Variants in WWOX observed in about 807,000 individuals in gnomAD.
WWOX encodes the protein WW domain-containing oxidoreductase.
Under a neutral mutation model 46.2 loss-of-function variants are expected in WWOX, and 69 were observed. That is an observed-to-expected ratio of 1.49 (90% CI 1.23 to 1.82). WWOX has a LOEUF of 1.82. Ranked by LOEUF, WWOX falls within the 40% of genes most tolerant of loss-of-function variation. The pLI is 0.00. For synonymous variants in WWOX, 359 were observed against 202.6 expected, an observed-to-expected ratio of 1.77 and a Z score of -6.56; for missense variants, 919 against 542.6, an observed-to-expected ratio of 1.69 and a Z score of -6.89.
chr16:78,428,954 G>T (rs6564556), intron 7 of WWOX, among the ~76,000 whole-genome samples: 31 of 152,130 alleles, frequency 2.0e-4, no homozygotes, highest in Non-Finnish European at 3.4e-4. Flanking sequence ...TTAGAGCAAT[G>T]CTTGAAACAA....
chr16:78,830,890 A>T (rs980836191), intron 8 of WWOX, among the ~76,000 whole-genome samples: 3 of 152,140 alleles, frequency 2.0e-5, no homozygotes, highest in Admixed American at 1.3e-4. Flanking sequence ...CTCTATAGCC[A>T]TCAGGTCAGG....
At chr16:79,170,817 G>A (rs147965280) in intron 8 of WWOX, among the ~76,000 whole-genome samples, 1 of 152,094 alleles carries the variant, frequency 6.6e-6, no homozygotes, top group Non-Finnish European at 1.5e-5. Context: ...AATTTAAGCA[G>A]GAGATGAGGT....
intron 8 of WWOX, among the ~76,000 whole-genome samples, chr16:78,616,726 A>C (rs1347340445): frequency 6.6e-6 from 1 of 152,026 alleles, no homozygotes; most frequent in Non-Finnish European, 1.5e-5. Flanking sequence ...AGATGGTGCC[A>C]CTGCACTCCT....
intron 8 of WWOX, among the ~76,000 whole-genome samples, chr16:79,019,200 G>A (rs1481686641): frequency 1.4e-5 from 1 of 69,716 alleles, no homozygotes; most frequent in Non-Finnish European, 2.9e-5. Flanking sequence ...AAAAAAAGTT[G>A]GAATGACATC....
chr16:78,908,928 G>A (rs72806727), intron 8 of WWOX, among the ~76,000 whole-genome samples: 18,544 of 152,248 alleles, frequency 0.12, 1,504 homozygotes, highest in East Asian at 0.41. Flanking sequence ...CCGGCAGCAT[G>A]ACTCCTAAAC....
intron 8 of WWOX, among the ~76,000 whole-genome samples, chr16:78,576,796 A>G (rs1182010009): frequency 6.6e-6 from 1 of 152,214 alleles, no homozygotes; most frequent in Non-Finnish European, 1.5e-5. Context: ...GTGCCACTGC[A>G]CTTCAGCCTA....
chr16:78,473,661 G>A (rs1408861626), intron 8 of WWOX, among the ~76,000 whole-genome samples: 2 of 151,762 alleles, frequency 1.3e-5, no homozygotes, highest in Non-Finnish European at 2.9e-5. Context: ...GATATGGAGC[G>A]TTTTTTTTGG....
At chr16:78,485,547 T>C (rs1181938935) in intron 8 of WWOX, among the ~76,000 whole-genome samples, 1 of 152,198 alleles carries the variant, frequency 6.6e-6, no homozygotes. Context: ...TTCCACAACA[T>C]ACTAAATTAA....
At chr16:78,662,644 C>A (rs866430158) in intron 8 of WWOX, among the ~76,000 whole-genome samples, 1 of 152,196 alleles carries the variant, frequency 6.6e-6, no homozygotes, top group Non-Finnish European at 1.5e-5. Flanking sequence ...AAACAACATA[C>A]ATTCATCATT....
intron 8 of WWOX, among the ~76,000 whole-genome samples, chr16:79,020,973 A>G (rs1374499288): frequency 6.6e-6 from 1 of 152,160 alleles, no homozygotes; most frequent in African/African-American, 2.4e-5. Flanking sequence ...AATTGTGGGT[A>G]GCTAAATAGG....
rs1370471798 is a variant in WWOX, at chr16:79,212,307, A to C, written c.*511A>C. ...TGAGCCAGCTTAGCAACTGCTGGGG[A>C]GACAAATCTCAGAACCTTGTCCCAG... On this transcript the variant is annotated 3_prime_UTR_variant, in exon 9 of 9. Transcript: ENST00000566780. The C allele has an allele frequency of 1.1e-6, 1 of 918,684 alleles. No individual in the cohort carries two copies. Among genetic ancestry groups the C allele is most frequent in the African/African-American group, 1.7e-5 (1 of 59,526 alleles). The allele number at this position is 918,684 out of a possible 1,614,324, so 56.9% of individuals were successfully genotyped here.
chr16:78,461,231 C>G (rs929016491), intron 8 of WWOX, among the ~76,000 whole-genome samples: 1 of 152,206 alleles, frequency 6.6e-6, no homozygotes, highest in Non-Finnish European at 1.5e-5. Context: ...GCCCACCTGT[C>G]CAATTCTAGC....
chr16:79,138,445 C>T (rs2050025257), intron 8 of WWOX, among the ~76,000 whole-genome samples: 1 of 152,302 alleles, frequency 6.6e-6, no homozygotes, highest in East Asian at 1.9e-4. Context: ...TCTATGAAGT[C>T]TTGCCAGACA....
chr16:78,370,794 G>T lies in WWOX; in HGVS notation c.517-16066G>T, dbSNP rs1193468894. 3.0e-3 allele frequency among the ~76,000 whole-genome samples: 447 copies of T among 149,066 alleles called. 3 individuals are homozygous for T. Among genetic ancestry groups the T allele is most frequent in the African/African-American group, 0.01 (420 of 40,642 alleles). ...ACTTTTTTTCTTTTTTTTTTGGGGG[G>T]GGGGGGGCAATGCATTCTTAACCCC... On this transcript the variant is annotated intron_variant, in intron 5 of 8. Transcript: ENST00000566780.
chr16:79,069,655 TAA>T (rs967258683), intron 8 of WWOX, among the ~76,000 whole-genome samples: 1 of 149,628 alleles, frequency 6.7e-6, no homozygotes, highest in African/African-American at 2.5e-5. Context: ...TGAAAAAAAA[TAA>T]AGAAAACATC....
At chr16:78,644,853 T>C (rs553025280) in intron 8 of WWOX, among the ~76,000 whole-genome samples, 77 of 152,304 alleles carry the variant, frequency 5.1e-4, no homozygotes, top group African/African-American at 1.6e-3. Flanking sequence ...CAGGAGAGCA[T>C]GTAGAAGAGG....
At chr16:78,109,878 T>C (rs1452542308) in intron 3 of WWOX, 43 bp downstream of exon 3, 3 of 1,602,104 alleles carry the variant, frequency 1.9e-6, no homozygotes, top group Non-Finnish European at 2.6e-6. Context: ...TTTTGCTTTT[T>C]AATAGGAATT....
At chr16:78,941,719 C>T (rs988487528) in intron 8 of WWOX, among the ~76,000 whole-genome samples, 1 of 152,002 alleles carries the variant, frequency 6.6e-6, no homozygotes, top group Non-Finnish European at 1.5e-5. Context: ...GTTTCCTTTC[C>T]CAGGTTTGAA....
At chr16:78,518,644 A>G (rs1028331930) in intron 8 of WWOX, among the ~76,000 whole-genome samples, 3 of 152,132 alleles carry the variant, frequency 2.0e-5, no homozygotes, top group African/African-American at 7.2e-5. Context: ...TCTAGATTTC[A>G]TTTATTTAAG....
Sources: gnomAD v4.1 joint callset for allele counts (sites outside exome capture counted in the v4.1 genomes callset) on GRCh38, gnomAD v4.1.1 for gene constraint, MANE v1.5 for transcripts, NCBI Gene and HGNC (gene_info 2026-07-23, HGNC 2026-07-21) for gene names.